The following RAPGEF4 variants were observed in gnomAD, a reference collection of about 807,000 sequenced individuals.
RAPGEF4 encodes the protein Rap guanine nucleotide exchange factor 4.
RAPGEF4 carries 66 observed loss-of-function variants against 147.9 expected under a neutral mutation model. That is an observed-to-expected ratio of 0.45 (90% confidence interval 0.37 to 0.55). The LOEUF (loss-of-function observed/expected upper bound fraction) is 0.55. RAPGEF4 is among the 20% of genes least tolerant of loss of function. The pLI is 0.00. For synonymous variants in RAPGEF4, 419 were observed against 442.7 expected (o/e 0.95, Z 0.67); for missense variants, 1,071 against 1,257.3 (o/e 0.85, Z 2.24).
chr2:172,795,776 A>G (rs1240735134), intron 2 of RAPGEF4, among the ~76,000 whole-genome samples: 1 of 152,242 alleles, frequency 6.6e-6, no homozygotes, highest in African/African-American at 2.4e-5. Context: ...CTGAGGTAGA[A>G]TGACTTCAGG....
chr2:172,778,049 C>G (rs952246832), intron 1 of RAPGEF4, among the ~76,000 whole-genome samples: 8 of 152,056 alleles, frequency 5.3e-5, no homozygotes, highest in African/African-American at 1.7e-4. Flanking sequence ...GCTTAGGTGA[C>G]CAGTCTAAAG....
chr2:172,840,029 AG>A lies in RAPGEF4; in HGVS notation c.444+25605del, dbSNP rs148455311. Among the ~76,000 whole-genome samples, 688 of 152,324 alleles carry A rather than the reference AG, an allele frequency of 4.5e-3. 7 individuals carry two copies. Among genetic ancestry groups the A allele is most frequent in the African/African-American group, 0.016 (669 of 41,578 alleles). On this transcript the variant is annotated intron_variant, in intron 4 of 30. Coordinates refer to ENST00000397081, the MANE Select transcript of RAPGEF4 (RefSeq NM_007023.4). ...AAGTGCTAAAAGCCTCTTTCTCTTT[AG>A]TACTTTGTCTTGTGTTTCATCTCTA...
intron 8 of RAPGEF4, among the ~76,000 whole-genome samples, chr2:172,964,805 T>C (rs1689660520): frequency 6.6e-6 from 1 of 152,214 alleles, no homozygotes; most frequent in African/African-American, 2.4e-5. Flanking sequence ...ATGGGGAATT[T>C]CTGTATTCCC....
At position 173,007,181 on chromosome 2, in the gene RAPGEF4, T is replaced by C. The variant is rs188133697; in HGVS notation, c.1658+5837T>C. Among the ~76,000 whole-genome samples, 13 of 152,290 alleles carry C rather than the reference T, an allele frequency of 8.5e-5. No homozygotes were observed. In the East Asian group the frequency reaches 2.1e-3, roughly 25 times the overall value. On this transcript the variant is annotated intron_variant, in intron 17 of 30. Transcript: ENST00000397081. Reference sequence around the variant, plus strand: ...TAGAACAAGATTTGAACCCAAGCAGTGTATTGCATTAGGGCACGTCCTAAC... The same window carrying C: ...TAGAACAAGATTTGAACCCAAGCAGCGTATTGCATTAGGGCACGTCCTAAC...
intron 29 of RAPGEF4, among the ~76,000 whole-genome samples, chr2:173,043,619 A>G (rs1325619411): frequency 6.6e-6 from 1 of 152,248 alleles, no homozygotes; most frequent in Non-Finnish European, 1.5e-5. Flanking sequence ...AGGTGGGGGC[A>G]GCCACAAAGT....
chr2:172,967,465 C>T (rs768183039), intron 10 of RAPGEF4, 21 bp downstream of exon 10: 1 of 1,603,462 alleles, frequency 6.2e-7, no homozygotes, highest in Non-Finnish European at 8.5e-7. Flanking sequence ...GCTCGTGGCT[C>T]ACCCCTCCAG....
intron 4 of RAPGEF4, among the ~76,000 whole-genome samples, chr2:172,887,144 G>A (rs1239805290): frequency 1.3e-5 from 2 of 149,176 alleles, no homozygotes; most frequent in African/African-American, 5.0e-5. Flanking sequence ...CCGAGATTGC[G>A]CCACTGCAGT....
chr2:173,037,384 C>T (rs1684177849), intron 29 of RAPGEF4, among the ~76,000 whole-genome samples: 1 of 152,108 alleles, frequency 6.6e-6, no homozygotes, highest in Non-Finnish European at 1.5e-5. Flanking sequence ...CTGCGCCTGG[C>T]CTAGAAAATT....
At chr2:172,744,892 T>C (rs1484158659) in intron 1 of RAPGEF4, among the ~76,000 whole-genome samples, 3 of 152,140 alleles carry the variant, frequency 2.0e-5, no homozygotes, top group African/African-American at 7.2e-5. Context: ...TCTGTAAATA[T>C]AGTGAATTTA....
intron 15 of RAPGEF4, among the ~76,000 whole-genome samples, chr2:172,993,631 A>T (rs1693041750): frequency 6.6e-6 from 1 of 152,172 alleles, no homozygotes; most frequent in Non-Finnish European, 1.5e-5. Context: ...ACCTCATTTT[A>T]AACAGAGGCC....
At chr2:172,804,545 A>G (rs997555198) in intron 3 of RAPGEF4, among the ~76,000 whole-genome samples, 11 of 152,180 alleles carry the variant, frequency 7.2e-5, no homozygotes, top group African/African-American at 2.7e-4. Context: ...AGGATGACGC[A>G]GTGGTGAGCC....
intron 10 of RAPGEF4, among the ~76,000 whole-genome samples, chr2:172,971,422 G>T (rs532835033): frequency 3.3e-5 from 5 of 152,286 alleles, no homozygotes; most frequent in African/African-American, 1.2e-4. Context: ...AGTAAGTTGA[G>T]AAAGAGAAAA....
intron 29 of RAPGEF4, among the ~76,000 whole-genome samples, chr2:173,039,818 C>T (rs1356315544): frequency 6.6e-6 from 1 of 152,138 alleles, no homozygotes; most frequent in Non-Finnish European, 1.5e-5. Flanking sequence ...CAAAAGAGTA[C>T]TGTAAGTTCT....
chr2:172,838,602 C>G lies in RAPGEF4; in HGVS notation c.444+24177C>G, dbSNP rs1240436771. 2.0e-5 allele frequency among the ~76,000 whole-genome samples: 3 copies of G among 152,076 alleles called. No individual in the cohort carries two copies. In the East Asian group the frequency reaches 5.8e-4, roughly 29 times the overall value. On this transcript the variant is annotated intron_variant, in intron 4 of 30. Transcript: ENST00000397081. The stretch of plus-strand genomic sequence containing the variant: ...TGGTGATTAGTTCAATTGTAGATCT[C>G]TTTTATCACCTAGATATGGGTTTTA...
chr2:172,767,362 A>G (rs1019828545), intron 1 of RAPGEF4, among the ~76,000 whole-genome samples: 3 of 152,024 alleles, frequency 2.0e-5, no homozygotes, highest in African/African-American at 4.8e-5. Context: ...TATTTTTAGT[A>G]TAGACAGGGT....
chr2:172,978,993 T>A (rs745655318), intron 10 of RAPGEF4, among the ~76,000 whole-genome samples: 2 of 152,228 alleles, frequency 1.3e-5, no homozygotes, highest in African/African-American at 2.4e-5. Flanking sequence ...GATCTCAACA[T>A]AGGTACTGAG....
chr2:172,901,764 A>C (rs1699076227), intron 4 of RAPGEF4, among the ~76,000 whole-genome samples: 1 of 152,218 alleles, frequency 6.6e-6, no homozygotes, highest in Admixed American at 6.5e-5. Flanking sequence ...TCTTTCACTC[A>C]ACAACTATTC....
At chr2:172,748,999 G>A (rs145851345) in intron 1 of RAPGEF4, among the ~76,000 whole-genome samples, 2,021 of 152,314 alleles carry the variant, frequency 0.013, 48 homozygotes, top group African/African-American at 0.045. Flanking sequence ...TCCAGGTCAC[G>A]CTGATGCAAG....
Position 173,048,600 on chromosome 2 carries a change from C to T in RAPGEF4, c.2854C>T (p.Arg952Cys), listed in dbSNP as rs766939204. Residue 952 changes from arginine to cysteine, a missense_variant and splice_region_variant, in exon 30 of 31, where the codon CGC (arginine) becomes TGC (cysteine). By Grantham distance (180) the Arg-to-Cys change is radical. Coordinates refer to ENST00000397081, the MANE Select transcript of RAPGEF4 (RefSeq NM_007023.4). The part of the protein sequence containing the change: ...IDNLVNFEKM[R>C]MIANTARTVR... ...TTTCTTTTTTCTATATTCCTTTTAG[C>T]GCATGATTGCAAATACGGCCAGAAC... is the stretch of plus-strand genomic sequence containing the variant. 7.4e-6 allele frequency: 12 copies of T among 1,613,974 alleles called. No homozygotes were observed. In the South Asian group the frequency reaches 9.9e-5, roughly 13 times the overall value.
Sources: gnomAD v4.1 joint callset for allele counts (sites outside exome capture counted in the v4.1 genomes callset) on GRCh38, gnomAD v4.1.1 for gene constraint, MANE v1.5 for transcripts, NCBI Gene and HGNC (gene_info 2026-07-23, HGNC 2026-07-21) for gene names.